NRCAM: variants seen among roughly 807,000 people sequenced by gnomAD.
The protein encoded by NRCAM is neuronal cell adhesion molecule.
NRCAM carries 83 observed loss-of-function variants against 156.5 expected under a neutral mutation model. The ratio of observed to expected loss-of-function variants is 0.53; its 90% CI spans 0.44 to 0.64. NRCAM has a LOEUF of 0.64. Ranked by LOEUF, NRCAM falls within the 30% of genes least tolerant of loss-of-function variation. NRCAM has a pLI of 0.00. For synonymous variants in NRCAM, 538 were observed against 563.9 expected (o/e 0.95, Z 0.65); for missense variants, 1,417 against 1,597.3 (o/e 0.89, Z 1.92).
intron 11 of NRCAM, among the ~76,000 whole-genome samples, chr7:108,219,858 A>G (rs2091472455): frequency 6.6e-6 from 1 of 152,216 alleles, no homozygotes; most frequent in African/African-American, 2.4e-5. Flanking sequence ...CAGAGCAATC[A>G]GACAAGAGAA....
chr7:108,435,881 C>T (rs1018334506), intron 1 of NRCAM, among the ~76,000 whole-genome samples: 1 of 152,190 alleles, frequency 6.6e-6, no homozygotes, highest in African/African-American at 2.4e-5. Flanking sequence ...GCCTGTAATC[C>T]CAGCACTTTG....
chr7:108,392,010 T>A (rs1321127283), intron 2 of NRCAM, among the ~76,000 whole-genome samples: 1 of 152,238 alleles, frequency 6.6e-6, no homozygotes, highest in East Asian at 1.9e-4. Flanking sequence ...CTTAACCTTT[T>A]TTCCTTCATT....
At chr7:108,227,035 GAATT>G (rs904876389) in intron 8 of NRCAM, among the ~76,000 whole-genome samples, 2 of 152,108 alleles carry the variant, frequency 1.3e-5, no homozygotes, top group Non-Finnish European at 2.9e-5. Context: ...ATTCTTTTCT[GAATT>G]AATTATCACC....
intron 3 of NRCAM, among the ~76,000 whole-genome samples, chr7:108,302,742 T>C (rs2098646960): frequency 6.6e-6 from 1 of 152,212 alleles, no homozygotes; most frequent in South Asian, 2.1e-4. Context: ...TCATCTTCTA[T>C]GTCCTTTCAC....
rs529199050 is a variant in NRCAM at position 108,182,717 on chromosome 7, G to A, written c.2508C>T (p.Val836=). ...DMGFAPEPAV[V]MGHSGEDLPM... ...TACGGTCTTCTCCAGAATGTCCCAT[G>A]ACTACAGCTGGCTCGGGGGCAAACC... The change falls in exon 23 of 33, where the codon GTC becomes GTT. Residue 836 remains valine, a synonymous_variant. Coordinates refer to ENST00000379028, the MANE Select transcript of NRCAM (RefSeq NM_001037132.4). 7 of 1,614,056 alleles carry A rather than the reference G, an allele frequency of 4.3e-6. No individual in the cohort carries two copies. Among genetic ancestry groups the A allele is most frequent in the Non-Finnish European group, 5.9e-6 (7 of 1,180,036 alleles).
At chr7:108,238,490 G>A (rs986682467) in intron 4 of NRCAM, among the ~76,000 whole-genome samples, 3 of 152,124 alleles carry the variant, frequency 2.0e-5, no homozygotes, top group African/African-American at 7.2e-5. Context: ...TACTTGCAAA[G>A]GTTAATATAG....
intron 11 of NRCAM, among the ~76,000 whole-genome samples, chr7:108,220,898 A>C (rs1329136921): frequency 1.3e-5 from 2 of 152,248 alleles, no homozygotes; most frequent in African/African-American, 2.4e-5. Flanking sequence ...AACAGTCAGC[A>C]GAGTAAACAG....
chr7:108,206,810 G>A (rs2081385329), intron 13 of NRCAM, among the ~76,000 whole-genome samples: 1 of 152,208 alleles, frequency 6.6e-6, no homozygotes, highest in South Asian at 2.1e-4. Flanking sequence ...CACACGCTGG[G>A]AAGCATAGTG....
intron 32 of NRCAM, among the ~76,000 whole-genome samples, chr7:108,159,102 TAAC>T (rs1481429962): frequency 1.3e-5 from 2 of 152,212 alleles, no homozygotes; most frequent in African/African-American, 2.4e-5. Context: ...GTTTAGAAGA[TAAC>T]AAGTATAGCT....
At position 108,424,028 on chromosome 7, in the gene NRCAM, T is replaced by C. The variant is rs370530935; in HGVS notation, c.-331-24435A>G. The stretch of plus-strand genomic sequence containing the variant: ...CCCTCTCTTCCAAAAGGAAAGCACA[T>C]ATTCCAAATGTGCCCCAGGGCAGTT... On this transcript the variant is annotated intron_variant, in intron 1 of 32. Transcript: ENST00000379028. 3.0e-4 allele frequency among the ~76,000 whole-genome samples: 45 copies of C among 152,336 alleles called. 1 individual carries two copies. Among genetic ancestry groups the C allele is most frequent in the African/African-American group, 9.4e-4 (39 of 41,572 alleles).
intron 1 of NRCAM, among the ~76,000 whole-genome samples, chr7:108,418,560 TACACACACACACACAC>T (rs59582056): frequency 2.1e-5 from 3 of 143,624 alleles, no homozygotes; most frequent in Admixed American, 7.0e-5. Context: ...ATACATATTA[TACACACACACACACAC>T]ACACACACAC....
chr7:108,306,027 C>T (rs1023392515), intron 3 of NRCAM, among the ~76,000 whole-genome samples: 2 of 152,130 alleles, frequency 1.3e-5, no homozygotes, highest in African/African-American at 4.8e-5. Flanking sequence ...CTCTGTGAGA[C>T]AGATATAAAC....
chr7:108,221,942 C>CAAA (rs5886446), intron 11 of NRCAM, among the ~76,000 whole-genome samples: 38 of 143,942 alleles, frequency 2.6e-4, no homozygotes, highest in African/African-American at 7.6e-4. Flanking sequence ...ATGGTTCAAG[C>CAAA]AAAAAAAAAA....
chr7:108,409,128 G>A (rs1792123216), intron 1 of NRCAM, among the ~76,000 whole-genome samples: 1 of 152,168 alleles, frequency 6.6e-6, no homozygotes, highest in Admixed American at 6.5e-5. Flanking sequence ...ACAGGATGGA[G>A]GCTAGGCAGG....
intron 6 of NRCAM, among the ~76,000 whole-genome samples, chr7:108,233,654 G>A (rs1386300841): frequency 6.6e-6 from 1 of 152,116 alleles, no homozygotes; most frequent in African/African-American, 2.4e-5. Context: ...ACCTTTGCTG[G>A]AAGTTTTGAC....
intron 2 of NRCAM, among the ~76,000 whole-genome samples, chr7:108,353,922 A>C (rs1222479928): frequency 6.6e-6 from 1 of 152,252 alleles, no homozygotes; most frequent in Non-Finnish European, 1.5e-5. Context: ...GTAAGTGGTA[A>C]GTACAACCAC....
Position 108,195,741 on chromosome 7 carries a change from C to A in NRCAM, c.1463+20G>T, listed in dbSNP as rs752889086. On this transcript the variant is annotated intron_variant, in intron 15 of 32. Transcript: ENST00000379028. ...AGCAAACATTTTAAGTATTGAAAAA[C>A]ACACAGAGCTGCTACTTACCACTCG... 2 of 1,343,190 alleles carry A rather than the reference C, an allele frequency of 1.5e-6. No individual in the cohort carries two copies. The highest frequency in any genetic ancestry group is 2.1e-6 in the Non-Finnish European group (2 of 935,504). 83.2% of individuals were successfully genotyped at this position (1,343,190 alleles called of 1,614,324 possible). A position where few individuals can be genotyped will look rare whatever the true frequency, so the allele number is the denominator to read the frequency against.
At chr7:108,451,643 C>A (rs1850545028) in intron 1 of NRCAM, among the ~76,000 whole-genome samples, 1 of 152,146 alleles carries the variant, frequency 6.6e-6, no homozygotes, top group South Asian at 2.1e-4. Flanking sequence ...GAAATTCTGA[C>A]ACATGGATCA....
chr7:108,224,304 C>CA (rs144051821), intron 10 of NRCAM, among the ~76,000 whole-genome samples: 36,353 of 151,888 alleles, frequency 0.24, 4,598 homozygotes, highest in Non-Finnish European at 0.28. Context: ...GTGGGGACAA[C>CA]ATTATAGCCA....
Sources: allele counts gnomAD v4.1 joint callset (sites outside exome capture counted in the v4.1 genomes callset), GRCh38; gene constraint gnomAD v4.1.1; transcripts MANE v1.5; gene names NCBI Gene and HGNC (gene_info 2026-07-23, HGNC 2026-07-21).